The following NRXN3 variants were observed in gnomAD, a reference collection of about 807,000 sequenced individuals.
The protein encoded by NRXN3 is neurexin III.
A neutral mutation model predicts 137.6 loss-of-function variants in NRXN3; 32 were observed. The ratio of observed to expected loss-of-function variants is 0.23; its 90% CI spans 0.18 to 0.31. The LOEUF is 0.31. Among genes scored for constraint, NRXN3 ranks in the 10% least tolerant of loss-of-function variants. NRXN3 has a pLI of 1.00. For missense variants in NRXN3, 1,574 were observed against 2,062.5 expected (o/e 0.76, Z 4.59); for synonymous variants, 798 against 784.5 (o/e 1.02, Z -0.29).
chr14:78,371,367 C>T (rs1284895120), intron 4 of NRXN3, among the ~76,000 whole-genome samples: 1 of 152,168 alleles, frequency 6.6e-6, no homozygotes, highest in Non-Finnish European at 1.5e-5. Flanking sequence ...TACTTTCTTC[C>T]TGCTCCATCC....
chr14:78,991,701 C>A (rs1301734348), intron 15 of NRXN3, among the ~76,000 whole-genome samples: 1 of 152,168 alleles, frequency 6.6e-6, no homozygotes, highest in African/African-American at 2.4e-5. Flanking sequence ...TTGTAAGGCT[C>A]TAAAAATGTC....
chr14:79,067,468 T>C (rs2099682194), intron 15 of NRXN3, among the ~76,000 whole-genome samples: 1 of 152,296 alleles, frequency 6.6e-6, no homozygotes, highest in East Asian at 1.9e-4. Context: ...ATCTGGATGA[T>C]GCTGGCCTCA....
intron 10 of NRXN3, among the ~76,000 whole-genome samples, chr14:78,872,307 A>G (rs1004271302): frequency 3.4e-5 from 5 of 148,182 alleles, no homozygotes; most frequent in Admixed American, 6.8e-5. Context: ...TTTAATATAT[A>G]TATTTTATTT....
intron 6 of NRXN3, among the ~76,000 whole-genome samples, chr14:78,672,762 T>A (rs2097950450): frequency 6.6e-6 from 1 of 152,142 alleles, no homozygotes; most frequent in Non-Finnish European, 1.5e-5. Flanking sequence ...AAGTTGCCAA[T>A]GCCTTCTTCA....
chr14:78,342,263 G>A (rs2082227356), intron 4 of NRXN3, among the ~76,000 whole-genome samples: 1 of 152,148 alleles, frequency 6.6e-6, no homozygotes, highest in African/African-American at 2.4e-5. Context: ...AGTCTCAAAG[G>A]AATATCCATT....
chr14:78,918,996 T>C (rs533319661), intron 10 of NRXN3, among the ~76,000 whole-genome samples: 1 of 152,322 alleles, frequency 6.6e-6, no homozygotes, highest in Non-Finnish European at 1.5e-5. Flanking sequence ...TGAATACACA[T>C]GATTTCCACC....
rs557654964 is a variant in NRXN3, at chr14:79,616,532, A to G, written c.3445-47246A>G. On this transcript the variant is annotated intron_variant, in intron 16 of 20. Transcript: ENST00000335750. The stretch of plus-strand genomic sequence containing the variant: ...GAATTTAAAAATGGAATAAGGCAAG[A>G]GAGGATAAAGAAACTACCTATGGAG... Among the ~76,000 whole-genome samples the G allele has an allele frequency of 7.2e-5, 11 of 152,268 alleles. No individual in the cohort carries two copies. The South Asian group carries it at 2.1e-3, about 29-fold the overall frequency.
intron 4 of NRXN3, among the ~76,000 whole-genome samples, chr14:78,391,316 T>C (rs1184046214): frequency 6.6e-6 from 1 of 152,208 alleles, no homozygotes; most frequent in Admixed American, 6.6e-5. Context: ...CAATGTTTAC[T>C]AAGAAGGTTA....
intron 15 of NRXN3, among the ~76,000 whole-genome samples, chr14:79,003,672 T>TATTG (rs1203707196): frequency 6.6e-6 from 1 of 152,140 alleles, no homozygotes; most frequent in Non-Finnish European, 1.5e-5. Flanking sequence ...ATGCAGGAAT[T>TATTG]ATTGCCTGCC....
chr14:78,775,644 T>A (rs2098742600), intron 8 of NRXN3, among the ~76,000 whole-genome samples: 1 of 152,220 alleles, frequency 6.6e-6, no homozygotes, highest in South Asian at 2.1e-4. Context: ...GCTAGGTCAA[T>A]AAGTATCTCT....
At chr14:78,465,904 T>C (rs1206137312) in intron 4 of NRXN3, among the ~76,000 whole-genome samples, 2 of 151,620 alleles carry the variant, frequency 1.3e-5, no homozygotes, top group Non-Finnish European at 2.9e-5. Flanking sequence ...CAGACTGGAG[T>C]GCAGTGACGC....
intron 14 of NRXN3, among the ~76,000 whole-genome samples, chr14:78,983,025 T>C (rs2099493405): frequency 6.6e-6 from 1 of 152,024 alleles, no homozygotes; most frequent in Non-Finnish European, 1.5e-5. Context: ...CCAACATATA[T>C]ATGAAAAAAA....
At chr14:78,576,669 T>G (rs1029185887) in intron 4 of NRXN3, among the ~76,000 whole-genome samples, 21 of 152,160 alleles carry the variant, frequency 1.4e-4, no homozygotes, top group Admixed American at 5.2e-4. Flanking sequence ...TTGTGTCACA[T>G]TCACTAACAT....
At chr14:79,221,151 CAT>C (rs1693134885) in intron 15 of NRXN3, among the ~76,000 whole-genome samples, 1 of 152,114 alleles carries the variant, frequency 6.6e-6, no homozygotes, top group Admixed American at 6.6e-5. Context: ...TCTAGTCTAT[CAT>C]TGATGGGCAT....
At chr14:78,866,854 G>A (rs1477851078) in intron 10 of NRXN3, among the ~76,000 whole-genome samples, 2 of 139,804 alleles carry the variant, frequency 1.4e-5, no homozygotes, top group Non-Finnish European at 3.0e-5. Context: ...CTGGAGTACA[G>A]TGGCACGGTC....
At chr14:79,232,793 A>G (rs2072493592) in intron 15 of NRXN3, among the ~76,000 whole-genome samples, 2 of 151,830 alleles carry the variant, frequency 1.3e-5, no homozygotes, top group Non-Finnish European at 2.9e-5. Context: ...CTGCAAATAC[A>G]CAAACCCAAG....
rs541427382 is a variant in NRXN3 at position 78,979,778 on chromosome 14, G to A, written c.3143-8244G>A. On this transcript the variant is annotated intron_variant, in intron 14 of 20. Coordinates refer to ENST00000335750, the MANE Select transcript of NRXN3 (RefSeq NM_001330195.2). ...GAAGGCAAACGAGGAGCAAAGTCAC[G>A]TCTTACATGGAGGCAGGCAAGAGAG... Among the ~76,000 whole-genome samples, 31 of 152,288 alleles carry A rather than the reference G, an allele frequency of 2.0e-4. No homozygotes were observed. In the South Asian group the frequency reaches 3.7e-3, roughly 18 times the overall value.
At chr14:78,211,188 C>T (rs2062707964) in intron 1 of NRXN3, among the ~76,000 whole-genome samples, 1 of 152,194 alleles carries the variant, frequency 6.6e-6, no homozygotes, top group African/African-American at 2.4e-5. Context: ...GTTGTTTGTT[C>T]AGTGTTATTT....
intron 4 of NRXN3, among the ~76,000 whole-genome samples, chr14:78,393,810 A>G (rs1002647079): frequency 5.9e-5 from 9 of 151,992 alleles, no homozygotes; most frequent in Admixed American, 5.2e-4. Context: ...AGTTTTCAGC[A>G]TACAAATTCT....
Sources: allele counts gnomAD v4.1 joint callset (sites outside exome capture counted in the v4.1 genomes callset), GRCh38; gene constraint gnomAD v4.1.1; transcripts MANE v1.5; gene names NCBI Gene and HGNC (gene_info 2026-07-23, HGNC 2026-07-21).